Variants in CPN1 observed in about 807,000 individuals in gnomAD.
CPN1 encodes carboxypeptidase N subunit 1.
Under a neutral mutation model 46.4 loss-of-function variants are expected in CPN1, and 37 were observed. That is an observed-to-expected ratio of 0.80 (90% confidence interval 0.61 to 1.05). CPN1 has a LOEUF of 1.05. CPN1 is among the 50% of genes least tolerant of loss of function. The pLI is 0.00. For synonymous variants in CPN1, 224 were observed against 235.4 expected, an observed-to-expected ratio of 0.95 and a Z score of 0.44; for missense variants, 563 against 602.6, an observed-to-expected ratio of 0.93 and a Z score of 0.69.
chr10:100,058,621 A>C (rs548206066), intron 5 of CPN1, among the ~76,000 whole-genome samples: 1 of 152,310 alleles, frequency 6.6e-6, no homozygotes, highest in South Asian at 2.1e-4. Flanking sequence ...TGATCTACAG[A>C]TTCAATGCAA....
chr10:100,066,666 T>A (rs962573986), intron 3 of CPN1, among the ~76,000 whole-genome samples: 4 of 152,242 alleles, frequency 2.6e-5, no homozygotes, highest in African/African-American at 9.6e-5. Flanking sequence ...GTCTACAGCA[T>A]TTTTCCTCCT....
chr10:100,079,206 T>TTTACGTAG (rs1472153683), intron 1 of CPN1, among the ~76,000 whole-genome samples: 1 of 152,262 alleles, frequency 6.6e-6, no homozygotes, highest in African/African-American at 2.4e-5. Flanking sequence ...GTAATATGTA[T>TTTACGTAG]TTACGTAGTT....
At chr10:100,076,131 G>A (rs780234239) in intron 1 of CPN1, 24 bp from the exon 2 acceptor site, 2 of 1,611,950 alleles carry the variant, frequency 1.2e-6, no homozygotes. Flanking sequence ...AAAAGATGGG[G>A]GAAGCTTGGA....
Position 100,066,445 on chromosome 10 carries a change from C to T in CPN1, c.577-1075G>A, listed in dbSNP as rs554608431. ...CTAGTTTACAGTGATGGTTTTCAAC[C>T]TCCTTCCTCCCTGCTGTAATATTGA... On this transcript the variant is annotated intron_variant, in intron 3 of 8. Coordinates refer to ENST00000370418, the MANE Select transcript of CPN1 (RefSeq NM_001308.3). Among the ~76,000 whole-genome samples the T allele has an allele frequency of 7.9e-5, 12 of 152,284 alleles. No individual in the cohort carries two copies. The South Asian group carries it at 1.5e-3, about 18-fold the overall frequency.
At chr10:100,053,810 C>T (rs1287322093) in intron 7 of CPN1, among the ~76,000 whole-genome samples, 1 of 152,030 alleles carries the variant, frequency 6.6e-6, no homozygotes, top group Non-Finnish European at 1.5e-5. Context: ...AATTCTGTAC[C>T]CTTCTAGGAG....
At chr10:100,056,957 C>T in intron 6 of CPN1, 56 bp downstream of exon 6, 3 of 1,611,568 alleles carry the variant, frequency 1.9e-6, no homozygotes, top group Non-Finnish European at 2.5e-6. Context: ...ACCTTGCCTG[C>T]CATTGAGAAG....
chr10:100,074,298 T>C (rs2041502172), intron 2 of CPN1, among the ~76,000 whole-genome samples: 2 of 152,200 alleles, frequency 1.3e-5, no homozygotes, highest in Non-Finnish European at 2.9e-5. Context: ...TCTGAGAACC[T>C]GATGGGTCCT....
Position 100,075,938 on chromosome 10 carries a change from G to A in CPN1, c.393C>T (p.Pro131=), listed in dbSNP as rs2041511069. ...GGGCAGCAGCCACCTCGTAGCCGTC[G>A]GGGTTCATGGATGGCAGGATGTGAA... ...TRIHILPSMN[P]DGYEVAAAQG... Residue 131 remains proline, a synonymous_variant, in exon 2 of 9, where the codon CCC becomes CCT. Transcript: ENST00000370418. The A allele has an allele frequency of 2.5e-6, 4 of 1,614,070 alleles. No individual in the cohort carries two copies. The highest frequency in any genetic ancestry group is 1.7e-6 in the Non-Finnish European group (2 of 1,180,040).
At chr10:100,051,052 CT>C (rs2041349915) in intron 7 of CPN1, among the ~76,000 whole-genome samples, 1 of 152,160 alleles carries the variant, frequency 6.6e-6, no homozygotes, top group Admixed American at 6.5e-5. Context: ...CTTTTATCAT[CT>C]TCAAAAGTAT....
At chr10:100,065,025 C>T (rs972859038) in intron 4 of CPN1, among the ~76,000 whole-genome samples, 163 bp downstream of exon 4, 14 of 152,154 alleles carry the variant, frequency 9.2e-5, no homozygotes, top group Admixed American at 3.9e-4. Flanking sequence ...GCTTATCATT[C>T]AAAACCAAAT....
Position 100,065,232 on chromosome 10 carries a change from G to C in CPN1, c.715C>G (p.Arg239Gly). Reference protein sequence around the residue: ...SFEHRVRGVRRTASTPTPDDK... With the variant: ...SFEHRVRGVRGTASTPTPDDK... ...TCAGGCGTGGGGGTGCTGGCGGTGCGGCGGACCCCTCGGACCCGGTGCTCA... is the reference window on the plus strand; with the variant it reads ...TCAGGCGTGGGGGTGCTGGCGGTGCCGCGGACCCCTCGGACCCGGTGCTCA... Residue 239 changes from arginine (R) to glycine (G), a missense_variant, in exon 4 of 9, where the codon CGC becomes GGC. Physicochemically the swap from Arg to Gly is moderately radical, Grantham distance 125. Coordinates refer to ENST00000370418, the MANE Select transcript of CPN1 (RefSeq NM_001308.3). The C allele has an allele frequency of 6.2e-7, 1 of 1,614,068 alleles. No homozygotes were observed. Among genetic ancestry groups the C allele is most frequent in the Non-Finnish European group, 8.5e-7 (1 of 1,179,998 alleles).
intron 8 of CPN1, among the ~76,000 whole-genome samples, chr10:100,044,628 A>C (rs927207264): frequency 1.3e-5 from 2 of 152,084 alleles, no homozygotes; most frequent in Admixed American, 1.3e-4. Context: ...TGCCAGCCTC[A>C]GCCTTCCAAA....
At chr10:100,057,330 T>C (rs2041390069) in intron 5 of CPN1, among the ~76,000 whole-genome samples, 178 bp from the exon 6 acceptor site, 1 of 152,182 alleles carries the variant, frequency 6.6e-6, no homozygotes. Flanking sequence ...CACATAATAA[T>C]ATGTACATAT....
chr10:100,044,780 G>T (rs1031166229), intron 8 of CPN1, among the ~76,000 whole-genome samples: 11 of 150,882 alleles, frequency 7.3e-5, no homozygotes, highest in African/African-American at 2.7e-4. Flanking sequence ...GCACAATCTC[G>T]GCTCACTGCA....
intron 7 of CPN1, among the ~76,000 whole-genome samples, chr10:100,049,734 T>A (rs2041338734): frequency 6.6e-6 from 1 of 152,186 alleles, no homozygotes; most frequent in African/African-American, 2.4e-5. Context: ...ATGAAACTAG[T>A]AAAGATTTAA....
Position 100,065,061 on chromosome 10 carries a change from C to A in CPN1, c.759+127G>T. 12 of 1,162,526 alleles carry A rather than the reference C, an allele frequency of 1.0e-5. No homozygotes were observed. In the South Asian group the frequency reaches 1.9e-4, roughly 18 times the overall value. 72.0% of individuals were successfully genotyped at this position (1,162,526 alleles called of 1,614,324 possible). ...GTCATTTACTAGACTGTAAGCTCCT[C>A]ACAAACAAGCGGTATTTTCAATTAT... On this transcript the variant is annotated intron_variant, in intron 4 of 8. Coordinates refer to ENST00000370418, the MANE Select transcript of CPN1 (RefSeq NM_001308.3).
At position 100,065,380 on chromosome 10, in the gene CPN1, G is replaced by C. The variant is rs1330933706; in HGVS notation, c.577-10C>G. 3 of 1,614,128 alleles carry C rather than the reference G, an allele frequency of 1.9e-6. No individual in the cohort carries two copies. Among genetic ancestry groups the C allele is most frequent in the Non-Finnish European group, 2.5e-6 (3 of 1,180,008 alleles). ...GGGTCTCGGGTTCCACCTGGGAGGA[G>C]GCGAGAGGTTGGCGGTGAAGGGCCA... On this transcript the variant is annotated splice_polypyrimidine_tract_variant and intron_variant, in intron 3 of 8. Transcript: ENST00000370418.
intron 5 of CPN1, among the ~76,000 whole-genome samples, chr10:100,061,884 C>T (rs2041420707): frequency 6.6e-6 from 1 of 152,120 alleles, no homozygotes; most frequent in Non-Finnish European, 1.5e-5. Flanking sequence ...CTCTGCTGCC[C>T]AGGCTGGAGT....
intron 1 of CPN1, among the ~76,000 whole-genome samples, chr10:100,076,701 C>T (rs2133449031): frequency 6.6e-6 from 1 of 152,364 alleles, no homozygotes; most frequent in Non-Finnish European, 1.5e-5. Context: ...AGGTGACCAG[C>T]TCCGCAGCGA....
Sources: gnomAD v4.1 joint callset for allele counts (sites outside exome capture counted in the v4.1 genomes callset) on GRCh38, gnomAD v4.1.1 for gene constraint, MANE v1.5 for transcripts, NCBI Gene and HGNC (gene_info 2026-07-23, HGNC 2026-07-21) for gene names.